NAALADL2: variants seen among roughly 807,000 people sequenced by gnomAD.
The protein encoded by NAALADL2 is N-acetylated alpha-linked acidic dipeptidase like 2.
A neutral mutation model predicts 87.2 loss-of-function variants in NAALADL2; 76 were observed. The observed-to-expected ratio is 0.87, with a 90% CI of 0.72 to 1.05. The LOEUF (loss-of-function observed/expected upper bound fraction) is 1.05, where lower values mean the gene tolerates loss of function less well. Ranked by LOEUF, NAALADL2 falls within the 50% of genes least tolerant of loss-of-function variation. The probability of loss-of-function intolerance (pLI) is 0.00; values close to 1 mark genes in which losing one functional copy is unlikely to be tolerated. For missense variants in NAALADL2, 1,089 were observed against 945.8 expected (o/e 1.15, Z -1.99); for synonymous variants, 354 against 331.0 (o/e 1.07, Z -0.75).
chr3:175,144,297 C>T (rs187836529), intron 2 of NAALADL2, among the ~76,000 whole-genome samples: 220 of 151,932 alleles, frequency 1.4e-3, no homozygotes, highest in Non-Finnish European at 2.8e-3. Context: ...GGGCACGTTT[C>T]GGTTAATTAC....
intron 5 of NAALADL2, among the ~76,000 whole-genome samples, chr3:175,326,799 C>T (rs1462726357): frequency 5.3e-5 from 8 of 152,162 alleles, no homozygotes; most frequent in African/African-American, 1.9e-4. Flanking sequence ...CTCATGATAA[C>T]AGCATTAATC....
At chr3:175,104,572 C>T (rs1039241842) in intron 2 of NAALADL2, among the ~76,000 whole-genome samples, 2 of 152,124 alleles carry the variant, frequency 1.3e-5, no homozygotes, top group South Asian at 2.1e-4. Flanking sequence ...CTCTATTCTT[C>T]ATGTTTTTTG....
intron 2 of NAALADL2, among the ~76,000 whole-genome samples, chr3:175,099,364 G>A (rs962815421): frequency 1.3e-5 from 2 of 152,132 alleles, no homozygotes; most frequent in Admixed American, 6.5e-5. Flanking sequence ...CTCCCAGCTA[G>A]TACTCTGTAG....
At chr3:175,275,521 A>G (rs953489171) in intron 4 of NAALADL2, among the ~76,000 whole-genome samples, 7 of 152,132 alleles carry the variant, frequency 4.6e-5, no homozygotes, top group African/African-American at 1.7e-4. Flanking sequence ...CAACATAGAC[A>G]TCAGAAATTT....
At chr3:175,126,190 G>A (rs1476014323) in intron 2 of NAALADL2, among the ~76,000 whole-genome samples, 1 of 152,022 alleles carries the variant, frequency 6.6e-6, no homozygotes, top group African/African-American at 2.4e-5. Context: ...TCATTGGAGT[G>A]GATTCAGGTG....
intron 4 of NAALADL2, among the ~76,000 whole-genome samples, chr3:175,265,085 A>G (rs556082147): frequency 6.6e-6 from 1 of 151,824 alleles, no homozygotes; most frequent in Admixed American, 6.6e-5. Flanking sequence ...AGATTTTATC[A>G]AGAACTATAT....
chr3:174,625,471 T>C (rs1323035658), intron 2 of NAALADL2, among the ~76,000 whole-genome samples: 6 of 146,910 alleles, frequency 4.1e-5, no homozygotes, highest in African/African-American at 1.6e-4. Flanking sequence ...ACTGAAAATT[T>C]GGCATTTTTT....
intron 9 of NAALADL2, among the ~76,000 whole-genome samples, chr3:175,566,192 G>A (rs540284515): frequency 1.3e-5 from 2 of 152,104 alleles, no homozygotes; most frequent in African/African-American, 4.8e-5. Flanking sequence ...TCTTAGAATT[G>A]GGGACACGTA....
intron 10 of NAALADL2, among the ~76,000 whole-genome samples, chr3:175,625,324 G>T (rs923830449): frequency 6.6e-6 from 1 of 151,914 alleles, no homozygotes; most frequent in African/African-American, 2.4e-5. Context: ...TCTGTCCAGC[G>T]TATTATGAAT....
intron 9 of NAALADL2, among the ~76,000 whole-genome samples, chr3:175,474,036 T>C (rs796212340): frequency 1.3e-5 from 2 of 152,194 alleles, no homozygotes; most frequent in Admixed American, 1.3e-4. Context: ...CATATAAGCA[T>C]TCCCTTTTCA....
chr3:175,546,224 C>T (rs984358416), intron 9 of NAALADL2, among the ~76,000 whole-genome samples: 3 of 151,888 alleles, frequency 2.0e-5, no homozygotes, highest in African/African-American at 7.2e-5. Context: ...CTGCTTTTTT[C>T]TGTTTTCCAT....
At chr3:175,593,022 T>TAAG (rs1312229111) in intron 10 of NAALADL2, among the ~76,000 whole-genome samples, 1 of 152,138 alleles carries the variant, frequency 6.6e-6, no homozygotes, top group Non-Finnish European at 1.5e-5. Flanking sequence ...TATTATATTT[T>TAAG]AAGTTCCAAG....
chr3:174,616,990 T>G (rs948563630), intron 2 of NAALADL2, among the ~76,000 whole-genome samples: 2 of 151,822 alleles, frequency 1.3e-5, no homozygotes, highest in Non-Finnish European at 3.0e-5. Context: ...ATAGTTGGTC[T>G]TAATACCAAG....
Position 174,689,831 on chromosome 3 carries a change from A to C in NAALADL2, c.-114-47810A>C, listed in dbSNP as rs1236863767. Among the ~76,000 whole-genome samples the C allele has an allele frequency of 2.0e-5, 3 of 152,152 alleles. No homozygotes were observed. In the East Asian group the frequency reaches 5.8e-4, roughly 29 times the overall value. On this transcript the variant is annotated intron_variant, in intron 2 of 3. Coordinates refer to the NAALADL2 transcript ENST00000434257. ...AGTTTAGGAAAACTCAAATGTTGGG[A>C]AAGAATGTTCTAAAGTCAGAGCAAG...
intron 5 of NAALADL2, among the ~76,000 whole-genome samples, chr3:175,339,612 A>G (rs1383762783): frequency 6.6e-6 from 1 of 152,222 alleles, no homozygotes; most frequent in African/African-American, 2.4e-5. Flanking sequence ...GAATGGGCAC[A>G]GAATATAAGT....
At chr3:174,996,993 GGTGTGTGTGTGTGTGTGTGTGTGTGTGT>G (rs34590643) in intron 1 of NAALADL2, among the ~76,000 whole-genome samples, 8 of 121,574 alleles carry the variant, frequency 6.6e-5, no homozygotes, top group Non-Finnish European at 1.3e-4. Context: ...TATTCCAAGG[GGTGTGTGTGTGTGTGTGTGTGTGTGTGT>G]GTGTGTGTGT....
Position 174,918,157 on chromosome 3 carries a change from T to A in NAALADL2, c.43+58707T>A, listed in dbSNP as rs191263015. On this transcript the variant is annotated intron_variant, in intron 1 of 13. Transcript: ENST00000454872. ...TGGGCTGATTATGAAAACATATCAGTACTTATTCAGAATATTCACTTGTAA... is the reference window on the plus strand; with the variant it reads ...TGGGCTGATTATGAAAACATATCAGAACTTATTCAGAATATTCACTTGTAA... Among the ~76,000 whole-genome samples, 428 of 152,240 alleles carry A rather than the reference T, an allele frequency of 2.8e-3. 4 individuals are homozygous for A. Among genetic ancestry groups the A allele is most frequent in the Non-Finnish European group, 2.9e-3 (196 of 68,014 alleles).
Position 175,716,238 on chromosome 3 carries a change from G to T in NAALADL2, c.1897-21068G>T, listed in dbSNP as rs985151524. Reference sequence around the variant, plus strand: ...ATATATGTATATAATATATAATATTGGAATACATATATAATATATGTATAT... The same window carrying T: ...ATATATGTATATAATATATAATATTTGAATACATATATAATATATGTATAT... On this transcript the variant is annotated intron_variant, in intron 11 of 13. Transcript: ENST00000454872. Among the ~76,000 whole-genome samples the T allele has an allele frequency of 1.3e-4, 19 of 142,048 alleles. 1 individual carries two copies. The highest frequency in any genetic ancestry group is 4.3e-4 in the Admixed American group (6 of 14,086). The allele number at this position is 142,048 out of a possible 152,430, so 93.2% of individuals were successfully genotyped here.
chr3:175,705,627 G>A (rs927217536), intron 11 of NAALADL2, among the ~76,000 whole-genome samples: 27 of 151,760 alleles, frequency 1.8e-4, no homozygotes, highest in African/African-American at 6.3e-4. Flanking sequence ...TATTTTATAG[G>A]TATTTTGTAT....
Sources: allele counts gnomAD v4.1 joint callset (sites outside exome capture counted in the v4.1 genomes callset), GRCh38; gene constraint gnomAD v4.1.1; transcripts MANE v1.5; gene names NCBI Gene and HGNC (gene_info 2026-07-23, HGNC 2026-07-21).